Variants in RABL3 observed in about 807,000 individuals in gnomAD.
RABL3 encodes the protein rab-like protein 3.
Under a neutral mutation model 31.8 loss-of-function variants are expected in RABL3, and 31 were observed. That is an observed-to-expected ratio of 0.97 (90% CI 0.73 to 1.31). The LOEUF is 1.31. Among genes scored for constraint, RABL3 ranks in the 40% most tolerant of loss-of-function variants. The pLI, the probability that RABL3 is intolerant of heterozygous loss-of-function variation, is 0.00. For missense variants in RABL3, 263 were observed against 279.6 expected, an observed-to-expected ratio of 0.94 and a Z score of 0.42; for synonymous variants, 97 against 99.9, an observed-to-expected ratio of 0.97 and a Z score of 0.18.
chr3:120,707,310 C>A (rs1708560311), intron 3 of RABL3, among the ~76,000 whole-genome samples: 1 of 151,996 alleles, frequency 6.6e-6, no homozygotes, highest in African/African-American at 2.4e-5. Flanking sequence ...TCCAATTGTA[C>A]CCACTCTTCC....
At chr3:120,690,526 C>T (rs1437452277) in intron 6 of RABL3, 39 bp from the exon 7 acceptor site, 18 of 1,533,732 alleles carry the variant, frequency 1.2e-5, no homozygotes, top group Non-Finnish European at 1.6e-5. Context: ...AGCACACATA[C>T]CTGCAAAAAG....
intron 2 of RABL3, among the ~76,000 whole-genome samples, chr3:120,712,420 A>G (rs1011230817): frequency 2.0e-5 from 3 of 152,196 alleles, no homozygotes; most frequent in African/African-American, 7.2e-5. Flanking sequence ...AGCAGAAAAA[A>G]CATATGTTTT....
At chr3:120,690,527 C>T (rs1303438524) in intron 6 of RABL3, 40 bp from the exon 7 acceptor site, 3 of 1,522,500 alleles carry the variant, frequency 2.0e-6, no homozygotes, top group Admixed American at 3.6e-5. Flanking sequence ...GCACACATAC[C>T]TGCAAAAAGT....
At chr3:120,706,575 TA>T (rs1708550932) in intron 3 of RABL3, among the ~76,000 whole-genome samples, 1 of 118,704 alleles carries the variant, frequency 8.4e-6, no homozygotes, top group African/African-American at 2.6e-5. Flanking sequence ...AAAGTAATAT[TA>T]GGTAATGAAA....
chr3:120,734,838 G>A (rs903931611), intron 1 of RABL3, among the ~76,000 whole-genome samples: 1 of 152,132 alleles, frequency 6.6e-6, no homozygotes, highest in Non-Finnish European at 1.5e-5. Context: ...TTATATGCTG[G>A]ATTATATTTA....
intron 2 of RABL3, among the ~76,000 whole-genome samples, chr3:120,717,285 A>AC (rs1404969185): frequency 2.2e-5 from 1 of 45,792 alleles, no homozygotes; most frequent in Admixed American, 1.8e-4. Flanking sequence ...AAAAACAACA[A>AC]AAAAAAAAAC....
chr3:120,711,715 G>A (rs1314856570), intron 2 of RABL3, among the ~76,000 whole-genome samples: 1 of 152,134 alleles, frequency 6.6e-6, no homozygotes. Flanking sequence ...GCTGGTTCAT[G>A]AGTACACATC....
chr3:120,725,838 C>T (rs573436911), intron 2 of RABL3, among the ~76,000 whole-genome samples: 408 of 152,140 alleles, frequency 2.7e-3, no homozygotes, highest in Non-Finnish European at 4.6e-3. Flanking sequence ...AGGAGATATA[C>T]CTAATGTTAA....
At chr3:120,726,079 G>A (rs1708817151) in intron 2 of RABL3, among the ~76,000 whole-genome samples, 1 of 152,120 alleles carries the variant, frequency 6.6e-6, no homozygotes, top group African/African-American at 2.4e-5. Flanking sequence ...GCCTCCCAAA[G>A]CAGTGGAATT....
intron 5 of RABL3, among the ~76,000 whole-genome samples, chr3:120,697,446 GCTCACTAGTA>G (rs1440192703): frequency 6.6e-6 from 1 of 152,160 alleles, no homozygotes; most frequent in Non-Finnish European, 1.5e-5. Flanking sequence ...AATAAATGTT[GCTCACTAGTA>G]CTATTACACC....
intron 1 of RABL3, among the ~76,000 whole-genome samples, chr3:120,738,342 C>A (rs1319776956): frequency 6.6e-6 from 1 of 152,208 alleles, no homozygotes; most frequent in African/African-American, 2.4e-5. Flanking sequence ...TTTGCTAAGA[C>A]CATTGGAAAA....
chr3:120,742,625 G>A, upstream of RABL3: 3 of 1,035,438 alleles, frequency 2.9e-6, no homozygotes, highest in Non-Finnish European at 4.5e-6. Flanking sequence ...TGTCTTGATC[G>A]AAGGTTTCAC....
chr3:120,710,420 C>G (rs1459432658), intron 2 of RABL3: 4 of 152,158 alleles, frequency 2.6e-5, no homozygotes, highest in African/African-American at 9.7e-5. Flanking sequence ...ATACTTTTTC[C>G]TCTTTATAAA....
intron 2 of RABL3, among the ~76,000 whole-genome samples, chr3:120,720,640 G>C (rs1469358238): frequency 1.3e-5 from 2 of 152,072 alleles, no homozygotes; most frequent in African/African-American, 4.8e-5. Context: ...AGAGAAAAAA[G>C]AATAAAAAGA....
At chr3:120,705,685 T>C (rs1456019975) in intron 4 of RABL3, among the ~76,000 whole-genome samples, 1 of 152,194 alleles carries the variant, frequency 6.6e-6, no homozygotes, top group Non-Finnish European at 1.5e-5. Flanking sequence ...ATGTTTTATA[T>C]AAATGTTTTA....
chr3:120,737,475 C>T (rs1708983758), intron 1 of RABL3, among the ~76,000 whole-genome samples: 1 of 152,192 alleles, frequency 6.6e-6, no homozygotes, highest in Non-Finnish European at 1.5e-5. Context: ...TGAACTTCGT[C>T]CTTTAGCTCG....
At chr3:120,726,780 A>T (rs34709559) in intron 2 of RABL3, among the ~76,000 whole-genome samples, 7 of 151,764 alleles carry the variant, frequency 4.6e-5, no homozygotes, top group Admixed American at 1.3e-4. Flanking sequence ...AATAAATAAA[A>T]CAATAAAAAA....
intron 2 of RABL3, among the ~76,000 whole-genome samples, chr3:120,715,845 C>G (rs1470632473): frequency 6.6e-6 from 1 of 152,070 alleles, no homozygotes; most frequent in Non-Finnish European, 1.5e-5. Flanking sequence ...CCATAACTTA[C>G]TAACTATATG....
intron 4 of RABL3, among the ~76,000 whole-genome samples, chr3:120,699,149 A>C (rs1708469088): frequency 1.3e-5 from 2 of 152,220 alleles, no homozygotes; most frequent in Admixed American, 6.5e-5. Context: ...TGAAGCCTAG[A>C]ATAAATCAAA....
Sources: gnomAD v4.1 joint callset for allele counts (sites outside exome capture counted in the v4.1 genomes callset) on GRCh38, gnomAD v4.1.1 for gene constraint, MANE v1.5 for transcripts, NCBI Gene and HGNC (gene_info 2026-07-23, HGNC 2026-07-21) for gene names.